PCSK1: variants seen among roughly 807,000 people sequenced by gnomAD.
The protein encoded by PCSK1 is proprotein convertase subtilisin/kexin type 1, also known as neuroendocrine convertase 1.
In PCSK1, 56 loss-of-function variants were observed where a neutral mutation model predicts 90.6. The observed-to-expected ratio is 0.62, with a 90% confidence interval of 0.50 to 0.77. The LOEUF is 0.77. PCSK1 is among the 30% of genes least tolerant of loss of function. The pLI, the probability that PCSK1 is intolerant of heterozygous loss-of-function variation, is 0.00. For missense variants in PCSK1, 801 were observed against 932.6 expected, an observed-to-expected ratio of 0.86 and a Z score of 1.84; for synonymous variants, 348 against 342.4, an observed-to-expected ratio of 1.02 and a Z score of -0.18.
At chr5:96,410,729 ACG>A in intron 8 of PCSK1, 43 bp downstream of exon 8, 3 of 1,455,828 alleles carry the variant, frequency 2.1e-6, no homozygotes, top group Non-Finnish European at 2.9e-6. Flanking sequence ...CATGCATGCC[ACG>A]CTCTCCTAAC....
At chr5:96,420,787 A>AAGTG (rs1761103136) in intron 5 of PCSK1, among the ~76,000 whole-genome samples, 3 of 143,352 alleles carry the variant, frequency 2.1e-5, no homozygotes, top group Non-Finnish European at 4.6e-5. Context: ...GAGAGAGAGA[A>AAGTG]AGAGAGAGAG....
chr5:96,400,404 CT>C (rs1450125909), intron 9 of PCSK1, among the ~76,000 whole-genome samples: 1 of 152,212 alleles, frequency 6.6e-6, no homozygotes, highest in Non-Finnish European at 1.5e-5. Flanking sequence ...GTTATGACTT[CT>C]CTCCAGAGCA....
chr5:96,422,287 G>A (rs953574232), intron 4 of PCSK1, among the ~76,000 whole-genome samples: 5 of 152,064 alleles, frequency 3.3e-5, no homozygotes, highest in African/African-American at 1.2e-4. Flanking sequence ...GAAAATTGAG[G>A]CCCAGAGAAG....
chr5:96,423,251 C>T, intron 4 of PCSK1, 62 bp downstream of exon 4: 2 of 1,512,928 alleles, frequency 1.3e-6, no homozygotes, highest in Admixed American at 1.9e-5. Context: ...GAAGGAAAGC[C>T]CTAACTGTGT....
At chr5:96,412,722 A>G (rs1206369547) in intron 6 of PCSK1, among the ~76,000 whole-genome samples, 3 of 144,724 alleles carry the variant, frequency 2.1e-5, no homozygotes, top group Non-Finnish European at 1.5e-5. Context: ...AATACTATGC[A>G]ATACCATGCA....
At chr5:96,414,873 A>G (rs1378678613) in intron 6 of PCSK1, among the ~76,000 whole-genome samples, 1 of 152,228 alleles carries the variant, frequency 6.6e-6, no homozygotes, top group Admixed American at 6.5e-5. Flanking sequence ...CAGGAATGAC[A>G]CTTAAAATTC....
At chr5:96,405,159 G>C (rs942315130) in intron 9 of PCSK1, among the ~76,000 whole-genome samples, 3 of 152,180 alleles carry the variant, frequency 2.0e-5, no homozygotes, top group Non-Finnish European at 2.9e-5. Flanking sequence ...TACCTTGGCA[G>C]TAAGGATATA....
At chr5:96,431,873 C>A (rs1336499455) in intron 1 of PCSK1, among the ~76,000 whole-genome samples, 1 of 152,138 alleles carries the variant, frequency 6.6e-6, no homozygotes, top group Admixed American at 6.5e-5. Context: ...ACTTCCCAAG[C>A]AGGGGGCGAG....
At position 96,392,735 on chromosome 5, in the gene PCSK1, C is replaced by T; in HGVS notation, c.*266G>A. The T allele has an allele frequency of 2.0e-6, 1 of 505,978 alleles. No individual in the cohort carries two copies. The highest frequency in any genetic ancestry group is 3.6e-6 in the Non-Finnish European group (1 of 281,386). The allele number at this position is 505,978 out of a possible 1,614,324, so 31.3% of individuals were successfully genotyped here. On this transcript the variant is annotated 3_prime_UTR_variant, in exon 14 of 14. Coordinates refer to ENST00000311106, the MANE Select transcript of PCSK1 (RefSeq NM_000439.5). ...CTAATGTAGTGTAAGAGCTTTTTGT[C>T]AACTGTGACTCCAGAAAGAACAAAA...
At chr5:96,394,353 G>A (rs1760057762) in intron 13 of PCSK1, among the ~76,000 whole-genome samples, 1 of 152,210 alleles carries the variant, frequency 6.6e-6, no homozygotes, top group Admixed American at 6.5e-5. Flanking sequence ...GAGAAAAAGT[G>A]TGATCTATCG....
At chr5:96,400,404 C>G (rs759423848) in intron 9 of PCSK1, among the ~76,000 whole-genome samples, 1 of 152,212 alleles carries the variant, frequency 6.6e-6, no homozygotes, top group Admixed American at 6.5e-5. Flanking sequence ...GTTATGACTT[C>G]TCTCCAGAGC....
intron 6 of PCSK1, among the ~76,000 whole-genome samples, chr5:96,413,234 A>T (rs878952026): frequency 1.4e-4 from 22 of 152,174 alleles, no homozygotes; most frequent in Admixed American, 4.6e-4. Flanking sequence ...AAGGGGAATC[A>T]TTTTTCATCA....
At chr5:96,406,201 A>T (rs992655446) in intron 9 of PCSK1, among the ~76,000 whole-genome samples, 1 of 152,172 alleles carries the variant, frequency 6.6e-6, no homozygotes, top group Non-Finnish European at 1.5e-5. Flanking sequence ...GAAAGACTGA[A>T]CCCCACAAGT....
chr5:96,405,265 A>C (rs974124555), intron 9 of PCSK1, among the ~76,000 whole-genome samples: 1 of 152,122 alleles, frequency 6.6e-6, no homozygotes, highest in Non-Finnish European at 1.5e-5. Context: ...GAGATCATAG[A>C]CTCTTAATAT....
At chr5:96,393,501 G>C in intron 13 of PCSK1, 123 bp from the exon 14 acceptor site, 1 of 1,173,954 alleles carries the variant, frequency 8.5e-7, no homozygotes, top group Non-Finnish European at 1.2e-6. Flanking sequence ...GGAGGGGAGA[G>C]AGTTCAAGAC....
At position 96,429,254 on chromosome 5, in the gene PCSK1, T is replaced by A. The variant is rs760269702; in HGVS notation, c.244A>T (p.Ser82Cys). 1 of 1,603,260 alleles carries A rather than the reference T, an allele frequency of 6.2e-7. No homozygotes were observed. The highest frequency in any genetic ancestry group is 1.1e-5 in the South Asian group (1 of 90,874). Residue 82 changes from serine (S) to cysteine (C), a missense_variant, in exon 2 of 14, where the codon AGT becomes TGT. Coordinates refer to ENST00000311106, the MANE Select transcript of PCSK1 (RefSeq NM_000439.5). ...HKNHPRRSRR[S>C]AFHITKRLSD... ...AATCTCTTAGTGATATGAAAGGCAC[T>A]CCTTCGAGACCTTCTGGGGTGGTTT...
chr5:96,432,902 C>G lies in PCSK1; in HGVS notation c.141G>C (p.Ser47=). 2 of 1,614,020 alleles carry G rather than the reference C, an allele frequency of 1.2e-6. No individual in the cohort carries two copies. Among genetic ancestry groups the G allele is most frequent in the Non-Finnish European group, 1.7e-6 (2 of 1,179,988 alleles). ...AEIPGGPEAA[S]AIAEELGYDL... is the part of the protein sequence containing the mutation. ...CATAGCCCAGCTCCTCGGCGATGGC[C>G]GAGGCTGCTTCCGGGCCCCCGGGGA... Residue 47 remains serine, a synonymous_variant, in exon 1 of 14, where the codon TCG becomes TCC. Transcript: ENST00000311106.
At chr5:96,412,848 G>T in intron 6 of PCSK1, 1 of 591,718 alleles carries the variant, frequency 1.7e-6, no homozygotes, top group Non-Finnish European at 2.2e-6. Context: ...ATCCTTGGAT[G>T]AGAGGAAGTG....
chr5:96,418,163 T>A (rs150323872), intron 5 of PCSK1, among the ~76,000 whole-genome samples: 100 of 152,304 alleles, frequency 6.6e-4, no homozygotes, highest in African/African-American at 2.3e-3. Flanking sequence ...CATTGACATG[T>A]TTTCCTCCTC....
Sources: allele counts gnomAD v4.1 joint callset (sites outside exome capture counted in the v4.1 genomes callset), GRCh38; gene constraint gnomAD v4.1.1; transcripts MANE v1.5; gene names NCBI Gene and HGNC (gene_info 2026-07-23, HGNC 2026-07-21).